Variants in TNFRSF11B observed in about 807,000 individuals in gnomAD.
TNFRSF11B encodes TNF receptor superfamily member 11b.
Under a neutral mutation model 43.4 loss-of-function variants are expected in TNFRSF11B, and 16 were observed. The observed-to-expected ratio is 0.37, with a 90% CI of 0.25 to 0.56. TNFRSF11B has a LOEUF of 0.56. Ranked by LOEUF, TNFRSF11B falls within the 20% of genes least tolerant of loss-of-function variation. The pLI is 0.80. For missense variants in TNFRSF11B, 444 were observed against 490.1 expected (o/e 0.91, Z 0.89); for synonymous variants, 185 against 181.8 (o/e 1.02, Z -0.14).
At chr8:118,936,346 G>A (rs544055249) in intron 1 of TNFRSF11B, among the ~76,000 whole-genome samples, 66 of 152,280 alleles carry the variant, frequency 4.3e-4, no homozygotes, top group Admixed American at 7.8e-4. Flanking sequence ...TTGGGCCTCT[G>A]TTTTAGTTGA....
intron 1 of TNFRSF11B, among the ~76,000 whole-genome samples, chr8:118,939,240 C>G (rs1041928116): frequency 2.6e-5 from 4 of 152,180 alleles, no homozygotes; most frequent in Non-Finnish European, 5.9e-5. Flanking sequence ...ATTATACCTC[C>G]TCTCCCCTTT....
At chr8:118,943,050 A>C (rs903241258) in intron 1 of TNFRSF11B, among the ~76,000 whole-genome samples, 3 of 152,182 alleles carry the variant, frequency 2.0e-5, no homozygotes, top group Admixed American at 6.6e-5. Context: ...CCTAAAATAC[A>C]GTACTTTACA....
At chr8:118,950,420 T>C (rs3134068) in intron 1 of TNFRSF11B, among the ~76,000 whole-genome samples, 14,205 of 152,194 alleles carry the variant, frequency 0.093, 832 homozygotes, top group African/African-American at 0.17. Context: ...AAAAATTGAA[T>C]AAGTTCCATT....
At chr8:118,928,509 AAGG>A (rs1247849442) in intron 3 of TNFRSF11B, among the ~76,000 whole-genome samples, 1 of 152,232 alleles carries the variant, frequency 6.6e-6, no homozygotes. Context: ...TTCAGTGTGA[AAGG>A]AGAGAAAATC....
intron 1 of TNFRSF11B, among the ~76,000 whole-genome samples, chr8:118,946,530 G>C (rs953629800): frequency 6.6e-6 from 1 of 152,084 alleles, no homozygotes; most frequent in African/African-American, 2.4e-5. Flanking sequence ...GATAGTTTAC[G>C]GATGTTCCTA....
chr8:118,943,018 T>C (rs914492498), intron 1 of TNFRSF11B, among the ~76,000 whole-genome samples: 11 of 152,132 alleles, frequency 7.2e-5, no homozygotes, highest in Admixed American at 4.6e-4. Flanking sequence ...GGTGAATAAA[T>C]GCTTCTCCCT....
chr8:118,924,542 C>A lies in TNFRSF11B; in HGVS notation c.1038G>T (p.Met346Ile), dbSNP rs758025708. ...ACGTCTTTGAGTGCTTTAGTGCGTG[C>A]ATTAGGCCCTTCAAGGTGTCTTGGT... is the stretch of plus-strand genomic sequence containing the variant. The part of the protein sequence containing the change: ...NGDQDTLKGL[M>I]HALKHSKTYH... The change falls in exon 5 of 5, where the codon ATG becomes ATT. Residue 346 changes from methionine to isoleucine, a missense_variant. Coordinates refer to ENST00000297350, the MANE Select transcript of TNFRSF11B (RefSeq NM_002546.4). The A allele has an allele frequency of 3.5e-5, 56 of 1,614,168 alleles. No homozygotes were observed. Among genetic ancestry groups the A allele is most frequent in the Non-Finnish European group, 4.7e-5 (55 of 1,180,034 alleles).
intron 1 of TNFRSF11B, among the ~76,000 whole-genome samples, chr8:118,950,689 T>TAC (rs753183465): frequency 7.2e-5 from 11 of 152,150 alleles, no homozygotes; most frequent in African/African-American, 9.6e-5. Flanking sequence ...GATGAAGTTA[T>TAC]ACACACACAC....
intron 1 of TNFRSF11B, among the ~76,000 whole-genome samples, chr8:118,945,786 T>C (rs1475895317): frequency 1.3e-5 from 2 of 151,982 alleles, no homozygotes; most frequent in African/African-American, 2.4e-5. Context: ...GAGAAGAAAA[T>C]TGGATTTACT....
chr8:118,931,556 C>T (rs1812329671), intron 2 of TNFRSF11B, among the ~76,000 whole-genome samples: 1 of 152,142 alleles, frequency 6.6e-6, no homozygotes, highest in East Asian at 1.9e-4. Context: ...CACCCTGACA[C>T]ACACACAACT....
At chr8:118,945,281 T>TC (rs113243031) in intron 1 of TNFRSF11B, among the ~76,000 whole-genome samples, 10,357 of 145,224 alleles carry the variant, frequency 0.071, 397 homozygotes, top group East Asian at 0.13. Context: ...CACAATTGTG[T>TC]GTGTGTTTAA....
At chr8:118,938,662 T>A (rs1563692015) in intron 1 of TNFRSF11B, among the ~76,000 whole-genome samples, 1 of 152,198 alleles carries the variant, frequency 6.6e-6, no homozygotes, top group Non-Finnish European at 1.5e-5. Flanking sequence ...AGGAGATCAA[T>A]CACAGCCTTC....
intron 1 of TNFRSF11B, among the ~76,000 whole-genome samples, chr8:118,947,782 G>T (rs1469369236): frequency 6.6e-6 from 1 of 152,088 alleles, no homozygotes; most frequent in African/African-American, 2.4e-5. Context: ...CACCATTTCA[G>T]AAAATCATAG....
intron 2 of TNFRSF11B, among the ~76,000 whole-genome samples, chr8:118,931,133 T>C (rs1471807622): frequency 1.3e-5 from 2 of 152,294 alleles, no homozygotes; most frequent in East Asian, 3.9e-4. Flanking sequence ...AAATAAAATA[T>C]GGAGAGGAGA....
At chr8:118,943,233 CAG>C (rs1812512997) in intron 1 of TNFRSF11B, among the ~76,000 whole-genome samples, 1 of 152,046 alleles carries the variant, frequency 6.6e-6, no homozygotes, top group African/African-American at 2.4e-5. Context: ...GGTACTAAAA[CAG>C]AAAGTTTTTT....
At position 118,926,648 on chromosome 8, in the gene TNFRSF11B, A is replaced by G; in HGVS notation, c.663T>C (p.Ser221=). 3 of 1,614,132 alleles carry G rather than the reference A, an allele frequency of 1.9e-6. No homozygotes were observed. Among genetic ancestry groups the G allele is most frequent in the Non-Finnish European group, 2.5e-6 (3 of 1,179,992 alleles). ...VPTKFTPNWL[S]VLVDNLPGTK... is the part of the protein sequence containing the mutation. ...TGCCAGGCAAATTGTCTACCAAGAC[A>G]CTAAGCCAGTTAGGCGTAAACTTTG... The change falls in exon 4 of 5, where the codon AGT becomes AGC. Residue 221 remains serine, a synonymous_variant. Coordinates refer to ENST00000297350, the MANE Select transcript of TNFRSF11B (RefSeq NM_002546.4).
Position 118,933,052 on chromosome 8 carries a change from G to C in TNFRSF11B, c.279C>G (p.Val93=), listed in dbSNP as rs748687558. Residue 93 remains valine, a synonymous_variant, in exon 2 of 5, where the codon GTC becomes GTG. Coordinates refer to ENST00000297350, the MANE Select transcript of TNFRSF11B (RefSeq NM_002546.4). ...CSPVCKELQY[V]KQECNRTHNR... The stretch of plus-strand genomic sequence containing the variant: ...TGTGGGTGCGATTGCACTCCTGCTT[G>C]ACGTACTGCAGCTCCTTGCACACGG... 1 of 1,614,166 alleles carries C rather than the reference G, an allele frequency of 6.2e-7. No individual in the cohort carries two copies. The highest frequency in any genetic ancestry group is 1.1e-5 in the South Asian group (1 of 91,080).
At chr8:118,942,670 T>C (rs1246397483) in intron 1 of TNFRSF11B, among the ~76,000 whole-genome samples, 2 of 152,138 alleles carry the variant, frequency 1.3e-5, no homozygotes, top group Non-Finnish European at 2.9e-5. Flanking sequence ...CAACCATCTC[T>C]AATGAGATAT....
At chr8:118,932,237 A>G (rs1473415532) in intron 2 of TNFRSF11B, among the ~76,000 whole-genome samples, 5 of 152,236 alleles carry the variant, frequency 3.3e-5, no homozygotes, top group African/African-American at 1.2e-4. Context: ...TAAAAGATTC[A>G]ATACACATGA....
Sources: gnomAD v4.1 joint callset for allele counts (sites outside exome capture counted in the v4.1 genomes callset) on GRCh38, gnomAD v4.1.1 for gene constraint, MANE v1.5 for transcripts, NCBI Gene and HGNC (gene_info 2026-07-23, HGNC 2026-07-21) for gene names.